HSPA12A: variants seen among roughly 807,000 people sequenced by gnomAD.
HSPA12A encodes heat shock protein family A (Hsp70) member 12A.
In HSPA12A, 28 loss-of-function variants were observed where a neutral mutation model predicts 69.2. The ratio of observed to expected loss-of-function variants is 0.40; its 90% CI spans 0.30 to 0.55. The LOEUF (loss-of-function observed/expected upper bound fraction) is 0.55. Ranked by LOEUF, HSPA12A falls within the 20% of genes least tolerant of loss-of-function variation. The pLI, the probability that HSPA12A is intolerant of heterozygous loss-of-function variation, is 0.38. For synonymous variants in HSPA12A, 345 were observed against 370.5 expected, an observed-to-expected ratio of 0.93 and a Z score of 0.79; for missense variants, 686 against 900.7, an observed-to-expected ratio of 0.76 and a Z score of 3.05.
At chr10:116,751,313 A>G (rs1554888338) in intron 2 of HSPA12A, 1 of 164,024 alleles carries the variant, frequency 6.1e-6, no homozygotes, top group Non-Finnish European at 1.3e-5. Flanking sequence ...AAGACAATGA[A>G]CTTATGGACC....
intron 1 of HSPA12A, chr10:116,849,494 G>C: frequency 7.0e-7 from 1 of 1,426,260 alleles, no homozygotes; most frequent in Non-Finnish European, 9.2e-7. Context: ...GGATCACGTT[G>C]CGTTGCCTAG....
intron 2 of HSPA12A, among the ~76,000 whole-genome samples, chr10:116,821,379 A>G (rs552154086): frequency 2.0e-5 from 3 of 152,154 alleles, no homozygotes; most frequent in Non-Finnish European, 4.4e-5. Context: ...TTGGACAGCC[A>G]CATGGCTTGA....
At chr10:116,804,544 C>CCCCCAG (rs1337689015) in intron 2 of HSPA12A, among the ~76,000 whole-genome samples, 1 of 152,078 alleles carries the variant, frequency 6.6e-6, no homozygotes, top group Non-Finnish European at 1.5e-5. Context: ...TTACCCCCAG[C>CCCCCAG]CCCCAGCCCC....
chr10:116,821,838 C>T (rs1845413208), intron 2 of HSPA12A, among the ~76,000 whole-genome samples: 1 of 152,202 alleles, frequency 6.6e-6, no homozygotes. Context: ...GGAGCTCCCA[C>T]AGTGTAGGGA....
chr10:116,745,990 C>T (rs1023159594), upstream of HSPA12A, among the ~76,000 whole-genome samples: 11 of 152,182 alleles, frequency 7.2e-5, no homozygotes, highest in Non-Finnish European at 1.5e-4. Flanking sequence ...CCACCTCCCC[C>T]TCTAGCTGCC....
At chr10:116,778,292 A>C (rs1554891366) in intron 2 of HSPA12A, among the ~76,000 whole-genome samples, 1 of 152,196 alleles carries the variant, frequency 6.6e-6, no homozygotes, top group Non-Finnish European at 1.5e-5. Flanking sequence ...ATTTTGCCCA[A>C]TGCAGTTAAT....
At chr10:116,726,664 A>T (rs1665652) in intron 1 of HSPA12A, among the ~76,000 whole-genome samples, 1 of 152,158 alleles carries the variant, frequency 6.6e-6, no homozygotes, top group African/African-American at 2.4e-5. Flanking sequence ...CTTAGCCTCT[A>T]CCCGTCCCCA....
intron 1 of HSPA12A, among the ~76,000 whole-genome samples, chr10:116,733,929 C>T (rs984123230): frequency 1.2e-4 from 18 of 152,142 alleles, no homozygotes; most frequent in African/African-American, 4.3e-4. Flanking sequence ...CAAGCACTTC[C>T]ACTGTAATGC....
At chr10:116,773,791 G>T (rs1844267603) in intron 2 of HSPA12A, among the ~76,000 whole-genome samples, 1 of 152,228 alleles carries the variant, frequency 6.6e-6, no homozygotes, top group Non-Finnish European at 1.5e-5. Flanking sequence ...CCCACAGGGA[G>T]CTCACAGTGC....
At chr10:116,682,779 C>A (rs1307083428) in intron 7 of HSPA12A, among the ~76,000 whole-genome samples, 2 of 152,004 alleles carry the variant, frequency 1.3e-5, no homozygotes, top group Admixed American at 1.3e-4. Flanking sequence ...CGGCTCACTG[C>A]AAGCTCCGCC....
chr10:116,720,421 G>T (rs925142980), intron 1 of HSPA12A, among the ~76,000 whole-genome samples: 6 of 152,228 alleles, frequency 3.9e-5, no homozygotes, highest in Admixed American at 3.9e-4. Context: ...CTTTGGCAAC[G>T]TAAGAATGCA....
chr10:116,734,801 A>G (rs1165216693), intron 1 of HSPA12A, among the ~76,000 whole-genome samples: 3 of 151,860 alleles, frequency 2.0e-5, no homozygotes, highest in Non-Finnish European at 2.9e-5. Context: ...AGACCATCCT[A>G]GCTAACACGG....
chr10:116,846,851 C>T (rs1210348997), intron 1 of HSPA12A, among the ~76,000 whole-genome samples: 1 of 152,094 alleles, frequency 6.6e-6, no homozygotes, highest in African/African-American at 2.4e-5. Context: ...TGAAACATTC[C>T]CAAAAGTCTC....
chr10:116,779,681 C>T (rs1203675051), intron 2 of HSPA12A, among the ~76,000 whole-genome samples: 2 of 152,184 alleles, frequency 1.3e-5, no homozygotes, highest in East Asian at 1.9e-4. Flanking sequence ...TTTGCTATGT[C>T]TATCCTGATT....
chr10:116,832,780 AG>A (rs1225117958), intron 2 of HSPA12A: 2 of 152,220 alleles, frequency 1.3e-5, no homozygotes, highest in African/African-American at 4.8e-5. Flanking sequence ...TCATGACAGC[AG>A]GGAGAGAATT....
At chr10:116,810,888 A>ACAC (rs369539905) in intron 2 of HSPA12A, among the ~76,000 whole-genome samples, 1,529 of 152,338 alleles carry the variant, frequency 0.01, 20 homozygotes, top group African/African-American at 0.031. Flanking sequence ...CAAGTGTGCA[A>ACAC]CACCATGCTA....
intron 2 of HSPA12A, among the ~76,000 whole-genome samples, chr10:116,780,380 C>A (rs1222408981): frequency 1.3e-5 from 2 of 151,548 alleles, no homozygotes; most frequent in Non-Finnish European, 2.9e-5. Flanking sequence ...GAGACAAGGT[C>A]TCTCTCTGTC....
At position 116,674,856 on chromosome 10, in the gene HSPA12A, G is replaced by C; in HGVS notation, c.1953C>G (p.Thr651=). The change falls in exon 12 of 12, where the codon ACC becomes ACG. Residue 651 remains threonine, a synonymous_variant. Transcript: ENST00000369209. ...EIQTLMQFGD[T]EIKATAIDIA... ...TATCAATGGCTGTGGCTTTGATCTC[G>C]GTGTCCCCGAACTGCATAAGGGTCT... The C allele has an allele frequency of 1.9e-6, 3 of 1,613,850 alleles. No individual in the cohort carries two copies. The highest frequency in any genetic ancestry group is 2.2e-5 in the East Asian group (1 of 44,872).
intron 2 of HSPA12A, among the ~76,000 whole-genome samples, chr10:116,821,278 C>T (rs1460209183): frequency 6.6e-6 from 1 of 152,214 alleles, no homozygotes; most frequent in Non-Finnish European, 1.5e-5. Flanking sequence ...CCTCATCTCC[C>T]AGCTAAGTGG....
Sources: allele counts gnomAD v4.1 joint callset (sites outside exome capture counted in the v4.1 genomes callset), GRCh38; gene constraint gnomAD v4.1.1; transcripts MANE v1.5; gene names NCBI Gene and HGNC (gene_info 2026-07-23, HGNC 2026-07-21).